The following GPD2 variants were observed in gnomAD, a reference collection of about 807,000 sequenced individuals.
The protein encoded by GPD2 is glycerol-3-phosphate dehydrogenase 2, also known as glycerol-3-phosphate dehydrogenase, mitochondrial.
A neutral mutation model predicts 82.4 loss-of-function variants in GPD2; 54 were observed. The observed-to-expected ratio is 0.66, with a 90% CI of 0.53 to 0.82. GPD2 has a LOEUF of 0.82. GPD2 is among the 40% of genes least tolerant of loss of function. The pLI is 0.00. For missense variants in GPD2, 748 were observed against 896.2 expected, an observed-to-expected ratio of 0.83 and a Z score of 2.11; for synonymous variants, 288 against 306.1, an observed-to-expected ratio of 0.94 and a Z score of 0.62.
At chr2:156,472,889 TG>T (rs1683381465) in intron 1 of GPD2, among the ~76,000 whole-genome samples, 1 of 152,242 alleles carries the variant, frequency 6.6e-6, no homozygotes, top group Non-Finnish European at 1.5e-5. Context: ...GCAGTGACTT[TG>T]GGGAAATCCC....
the GPD2 span, among the ~76,000 whole-genome samples, chr2:156,401,205 G>A: frequency 3.3e-5 from 5 of 152,254 alleles, no homozygotes; most frequent in East Asian, 3.9e-4. Context: ...TTCTACCACT[G>A]AACCACCAAT....
At chr2:156,539,950 T>TA (rs2105320000) in intron 6 of GPD2, among the ~76,000 whole-genome samples, 1 of 13,992 alleles carries the variant, frequency 7.1e-5, no homozygotes, top group South Asian at 2.0e-3. Flanking sequence ...CAAGTTCCAC[T>TA]TGTGGCTCGA....
Position 156,582,804 on chromosome 2 carries a change from T to A in GPD2, c.2070T>A (p.Ala690=), listed in dbSNP as rs766745379. 5 of 1,612,924 alleles carry A rather than the reference T, an allele frequency of 3.1e-6. No individual in the cohort carries two copies. The highest frequency in any genetic ancestry group is 1.3e-5 in the African/African-American group (1 of 74,868). Residue 690 remains alanine (A), a synonymous_variant, in exon 17 of 17, where the codon GCT becomes GCA. Coordinates refer to ENST00000438166, the MANE Select transcript of GPD2 (RefSeq NM_000408.5). ...ELNEFLQLMS[A]IQKGRVSGSR... is the part of the protein sequence containing the mutation. Reference sequence around the variant, plus strand: ...ATTTTCTCTTTAAGCTGATGAGTGCTATTCAAAAAGGAAGGGTATCTGGAA... The same window carrying A: ...ATTTTCTCTTTAAGCTGATGAGTGCAATTCAAAAAGGAAGGGTATCTGGAA...
chr2:156,519,826 G>A (rs193021355), intron 6 of GPD2, among the ~76,000 whole-genome samples: 178 of 152,354 alleles, frequency 1.2e-3, no homozygotes, highest in African/African-American at 4.2e-3. Flanking sequence ...TTGGGCTCCA[G>A]CCCCATGGCA....
Position 156,568,920 on chromosome 2 carries a change from GT to G in GPD2, c.1263del (p.Val422LeufsTer11). On this transcript the variant is annotated frameshift_variant, in exon 10 of 17. Coordinates refer to ENST00000438166, the MANE Select transcript of GPD2 (RefSeq NM_000408.5). LOFTEE classifies it high-confidence loss of function. ...ADTQSISRNHVVDISESGLIT... is the reference protein window; with the variant it reads ...ADTQSISRNHXVDISESGLIT... ...TACTCAGTCTATCTCCCGAAATCAT[GT>G]TGTTGATATCAGTGAGAGTGGCCTT... is the stretch of plus-strand genomic sequence containing the variant. 1.2e-6 allele frequency: 2 copies of G among 1,610,562 alleles called. No individual in the cohort carries two copies. The highest frequency in any genetic ancestry group is 1.7e-6 in the Non-Finnish European group (2 of 1,177,350).
intron 2 of GPD2, among the ~76,000 whole-genome samples, chr2:156,479,711 A>G (rs1009176369): frequency 3.3e-5 from 5 of 152,146 alleles, no homozygotes; most frequent in Non-Finnish European, 5.9e-5. Context: ...GTCCACCTGC[A>G]GAGGTTTGTG....
At chr2:156,549,584 C>T (rs370487625) in intron 6 of GPD2, 24 bp from the exon 7 acceptor site, 1 of 1,611,346 alleles carries the variant, frequency 6.2e-7, no homozygotes, top group Non-Finnish European at 8.5e-7. Flanking sequence ...TCCTCTCCCT[C>T]CCCTGATGCT....
At chr2:156,499,265 A>T (rs779697099) in intron 3 of GPD2, among the ~76,000 whole-genome samples, 3 of 152,082 alleles carry the variant, frequency 2.0e-5, no homozygotes, top group Non-Finnish European at 4.4e-5. Context: ...TTATGTGTGT[A>T]TATATGTGTG....
chr2:156,549,308 C>T (rs1686663395), intron 6 of GPD2, among the ~76,000 whole-genome samples: 1 of 152,162 alleles, frequency 6.6e-6, no homozygotes, highest in African/African-American at 2.4e-5. Context: ...TACATATGTT[C>T]CAACACTGAG....
chr2:156,439,257 G>T (rs1330736145), intron 1 of GPD2, among the ~76,000 whole-genome samples: 1 of 151,894 alleles, frequency 6.6e-6, no homozygotes, highest in Non-Finnish European at 1.5e-5. Flanking sequence ...CTTCATTCTT[G>T]TCCACCTTTA....
At position 156,584,815 on chromosome 2, in the gene GPD2, T is replaced by C. The variant is rs1245823954; in HGVS notation, c.*1897T>C. On this transcript the variant is annotated 3_prime_UTR_variant, in exon 17 of 17. Transcript: ENST00000438166. Reference sequence around the variant, plus strand: ...CACTTAATAGGTAGATAAATTGTCCTTTAAAATATCCCAGATGATATACAC... The same window carrying C: ...CACTTAATAGGTAGATAAATTGTCCCTTAAAATATCCCAGATGATATACAC... 6.6e-6 allele frequency: 1 copy of C among 152,446 alleles called. No individual in the cohort carries two copies. The highest frequency in any genetic ancestry group is 1.5e-5 in the Non-Finnish European group (1 of 67,950). The allele number at this position is 152,446 out of a possible 1,614,324, so 9.4% of individuals were successfully genotyped here. A position where few individuals can be genotyped will look rare whatever the true frequency, so the allele number is the denominator to read the frequency against.
intron 3 of GPD2, among the ~76,000 whole-genome samples, chr2:156,502,919 A>G (rs961176705): frequency 2.7e-5 from 4 of 148,740 alleles, no homozygotes; most frequent in Admixed American, 6.7e-5. Flanking sequence ...CATGCTTTTT[A>G]TTTTGCTTCT....
At chr2:156,464,380 T>G (rs111287138) in intron 1 of GPD2, among the ~76,000 whole-genome samples, 3,190 of 152,322 alleles carry the variant, frequency 0.021, 104 homozygotes, top group African/African-American at 0.071. Flanking sequence ...ATCTGTACTT[T>G]GGCTCTTTGT....
At chr2:156,514,414 C>G (rs1481571325) in intron 6 of GPD2, among the ~76,000 whole-genome samples, 3 of 151,558 alleles carry the variant, frequency 2.0e-5, no homozygotes, top group Admixed American at 1.3e-4. Context: ...GTGAGCCCCC[C>G]ACCCCCGTTG....
At chr2:156,437,301 CTG>C (rs1296519192) in intron 1 of GPD2, among the ~76,000 whole-genome samples, 1 of 152,194 alleles carries the variant, frequency 6.6e-6, no homozygotes, top group Non-Finnish European at 1.5e-5. Context: ...TAAAACAAAA[CTG>C]TTAGTATTTT....
chr2:156,459,684 C>G (rs539271065), intron 1 of GPD2, among the ~76,000 whole-genome samples: 39 of 746 alleles, frequency 0.052, no homozygotes, highest in African/African-American at 0.1. Context: ...AAGACTCCGT[C>G]TCAAAAAAAA....
intron 13 of GPD2, among the ~76,000 whole-genome samples, chr2:156,574,110 G>T (rs1352519861): frequency 6.6e-6 from 1 of 152,056 alleles, no homozygotes; most frequent in Non-Finnish European, 1.5e-5. Flanking sequence ...TCGAGAAACT[G>T]TCACTCAAGA....
At chr2:156,496,914 A>G (rs948573836) in intron 3 of GPD2, among the ~76,000 whole-genome samples, 7 of 152,018 alleles carry the variant, frequency 4.6e-5, no homozygotes, top group Non-Finnish European at 1.0e-4. Context: ...GTTCATGCGA[A>G]TAAATAATGG....
intron 8 of GPD2, among the ~76,000 whole-genome samples, chr2:156,555,181 C>T (rs1686916041): frequency 6.6e-6 from 1 of 152,136 alleles, no homozygotes; most frequent in Non-Finnish European, 1.5e-5. Context: ...AATTTTTATA[C>T]CATTCGTTAA....
Sources: gnomAD v4.1 joint callset for allele counts (sites outside exome capture counted in the v4.1 genomes callset) on GRCh38, gnomAD v4.1.1 for gene constraint, MANE v1.5 for transcripts, NCBI Gene and HGNC (gene_info 2026-07-23, HGNC 2026-07-21) for gene names.